NTRK3: variants seen among roughly 807,000 people sequenced by gnomAD.
NTRK3 encodes the protein neurotrophic receptor tyrosine kinase 3.
NTRK3 carries 24 observed loss-of-function variants against 91.7 expected under a neutral mutation model. That is an observed-to-expected ratio of 0.26 (90% CI 0.19 to 0.37). The LOEUF is 0.37. Ranked by LOEUF, NTRK3 falls within the 10% of genes least tolerant of loss-of-function variation. The pLI, the probability that NTRK3 is intolerant of heterozygous loss-of-function variation, is 1.00. For missense variants in NTRK3, 880 were observed against 1,068.9 expected (o/e 0.82, Z 2.46); for synonymous variants, 483 against 404.0 (o/e 1.20, Z -2.34).
At chr15:88,130,741 A>T (rs2041251211) in intron 10 of NTRK3, among the ~76,000 whole-genome samples, 1 of 152,244 alleles carries the variant, frequency 6.6e-6, no homozygotes. Context: ...AAAGACAAAG[A>T]CTAGGGAACT....
At chr15:88,117,565 C>A (rs1442316211) in intron 13 of NTRK3, among the ~76,000 whole-genome samples, 1 of 152,220 alleles carries the variant, frequency 6.6e-6, no homozygotes, top group Non-Finnish European at 1.5e-5. Flanking sequence ...GGACCTGTGA[C>A]CTGACTCTGT....
At chr15:88,060,102 C>T (rs1373075606) in intron 13 of NTRK3, among the ~76,000 whole-genome samples, 1 of 152,094 alleles carries the variant, frequency 6.6e-6, no homozygotes, top group Non-Finnish European at 1.5e-5. Flanking sequence ...AAGGAGGGCA[C>T]CCTGTGGCTG....
chr15:88,009,917 G>A (rs1215202242), intron 14 of NTRK3, among the ~76,000 whole-genome samples: 1 of 152,138 alleles, frequency 6.6e-6, no homozygotes, highest in Non-Finnish European at 1.5e-5. Flanking sequence ...CAATATAGTG[G>A]ATTCCTTTGT....
At chr15:87,983,081 A>G (rs991099451) in intron 14 of NTRK3, among the ~76,000 whole-genome samples, 1 of 152,244 alleles carries the variant, frequency 6.6e-6, no homozygotes, top group Non-Finnish European at 1.5e-5. Flanking sequence ...AACAGTCCCA[A>G]TACCAAATGC....
chr15:87,993,216 G>T (rs998748562), intron 14 of NTRK3, among the ~76,000 whole-genome samples: 2 of 152,158 alleles, frequency 1.3e-5, no homozygotes, highest in Non-Finnish European at 2.9e-5. Context: ...TTTAGGATAT[G>T]ATGAGCAAAA....
intron 17 of NTRK3, chr15:87,927,157 A>C (rs1241964280): frequency 1.3e-5 from 2 of 152,216 alleles, no homozygotes; most frequent in Non-Finnish European, 2.9e-5. Flanking sequence ...GGAATACTGG[A>C]TAGGACAGGT....
intron 13 of NTRK3, among the ~76,000 whole-genome samples, chr15:88,124,625 C>G (rs1181802690): frequency 1.3e-5 from 2 of 152,174 alleles, no homozygotes; most frequent in African/African-American, 4.8e-5. Flanking sequence ...ATAATAGTGC[C>G]AGTCCTCAAA....
chr15:87,891,924 A>T (rs1338573795), intron 17 of NTRK3, among the ~76,000 whole-genome samples: 1 of 152,172 alleles, frequency 6.6e-6, no homozygotes, highest in Admixed American at 6.5e-5. Context: ...AGAGGTTTCA[A>T]ACCAGAATAT....
chr15:87,960,890 A>G (rs1042367587), intron 14 of NTRK3, among the ~76,000 whole-genome samples: 3 of 152,118 alleles, frequency 2.0e-5, no homozygotes, highest in Non-Finnish European at 2.9e-5. Context: ...GCGGCGTGCC[A>G]TATCATTCTT....
rs2065180702 is a variant in NTRK3, at chr15:87,880,497, T to G, written c.2134-69A>C. 2.0e-6 allele frequency: 3 copies of G among 1,520,876 alleles called. No individual in the cohort carries two copies. The African/African-American group carries it at 4.1e-5, about 21-fold the overall frequency. 94.2% of individuals were successfully genotyped at this position (1,520,876 alleles called of 1,614,324 possible). On this transcript the variant is annotated intron_variant, in intron 17 of 18. Transcript: ENST00000394480. Reference sequence around the variant, plus strand: ...CAGAATGAGTGTTATCTGTCTGCACTCTTCACACATAGATGCACTCTTGAT... The same window carrying G: ...CAGAATGAGTGTTATCTGTCTGCACGCTTCACACATAGATGCACTCTTGAT...
At chr15:88,222,899 G>A (rs549788698) in intron 3 of NTRK3, among the ~76,000 whole-genome samples, 7 of 152,308 alleles carry the variant, frequency 4.6e-5, no homozygotes, top group East Asian at 1.9e-4. Context: ...AGGCAGCGGC[G>A]AAGTGAGACC....
intron 3 of NTRK3, among the ~76,000 whole-genome samples, 189 bp from the exon 4 acceptor site, chr15:88,184,488 G>A (rs2046789844): frequency 6.6e-6 from 1 of 152,172 alleles, no homozygotes; most frequent in Admixed American, 6.5e-5. Context: ...CTGCCTGATT[G>A]GGTTGTTGCA....
At chr15:88,174,704 G>A (rs1172038150) in intron 5 of NTRK3, among the ~76,000 whole-genome samples, 3 of 152,220 alleles carry the variant, frequency 2.0e-5, no homozygotes, top group Admixed American at 6.5e-5. Context: ...GCCATAAGCA[G>A]GCTGTCTGCC....
At chr15:87,910,251 G>A (rs2067006608) in intron 17 of NTRK3, among the ~76,000 whole-genome samples, 1 of 152,218 alleles carries the variant, frequency 6.6e-6, no homozygotes, top group Non-Finnish European at 1.5e-5. Flanking sequence ...CAAGCCTGAA[G>A]GTGTGTGCGT....
chr15:88,221,919 A>C (rs188173318), intron 3 of NTRK3, among the ~76,000 whole-genome samples: 1 of 152,368 alleles, frequency 6.6e-6, no homozygotes, highest in Admixed American at 6.5e-5. Context: ...TTATCAATAC[A>C]GCTTACGCGG....
rs2052036112 is a variant in NTRK3, at chr15:88,116,102, T to C, written c.1396+10169A>G. On this transcript the variant is annotated intron_variant, in intron 13 of 18. Transcript: ENST00000394480. ...TGAGCTTCTGCCCAGACTCCTTCAG[T>C]GGGGGCAACAGTGTTGATTGACCTG... Among the ~76,000 whole-genome samples the C allele has an allele frequency of 2.6e-5, 4 of 152,122 alleles. No homozygotes were observed. In the South Asian group the frequency reaches 8.3e-4, roughly 32 times the overall value.
At chr15:88,071,998 A>C (rs894164661) in intron 13 of NTRK3, among the ~76,000 whole-genome samples, 22 of 150,328 alleles carry the variant, frequency 1.5e-4, no homozygotes, top group Non-Finnish European at 5.9e-5. Flanking sequence ...AGGCAAAATC[A>C]AACATCTTTT....
chr15:88,213,556 G>A (rs1040046771), intron 3 of NTRK3, among the ~76,000 whole-genome samples: 2 of 152,312 alleles, frequency 1.3e-5, no homozygotes, highest in South Asian at 4.1e-4. Flanking sequence ...TACGAGGAGA[G>A]CTCTGTGGTT....
At chr15:88,139,487 C>T (rs1338225111) in intron 6 of NTRK3, among the ~76,000 whole-genome samples, 1 of 152,164 alleles carries the variant, frequency 6.6e-6, no homozygotes, top group Non-Finnish European at 1.5e-5. Context: ...AAACGTGAGG[C>T]TCCTGGGGAA....
Sources: gnomAD v4.1 joint callset for allele counts (sites outside exome capture counted in the v4.1 genomes callset) on GRCh38, gnomAD v4.1.1 for gene constraint, MANE v1.5 for transcripts, NCBI Gene and HGNC (gene_info 2026-07-23, HGNC 2026-07-21) for gene names.